EVL: variants seen among roughly 807,000 people sequenced by gnomAD.
EVL encodes the protein Enah/Vasp-like.
A neutral mutation model predicts 59.6 loss-of-function variants in EVL; 21 were observed. The ratio of observed to expected loss-of-function variants is 0.35; its 90% CI spans 0.25 to 0.51. The LOEUF is 0.51. EVL is among the 20% of genes least tolerant of loss of function. EVL has a pLI of 0.97. For missense variants in EVL, 462 were observed against 546.6 expected, an observed-to-expected ratio of 0.85 and a Z score of 1.54; for synonymous variants, 198 against 203.5, an observed-to-expected ratio of 0.97 and a Z score of 0.23.
chr14:100,122,929 A>G (rs894312394), intron 3 of EVL, among the ~76,000 whole-genome samples: 1 of 152,166 alleles, frequency 6.6e-6, no homozygotes, highest in African/African-American at 2.4e-5. Flanking sequence ...GAACAAGGGG[A>G]GCAAGGGCAG....
intron 5 of EVL, 59 bp downstream of exon 5, chr14:100,126,830 C>A: frequency 6.4e-7 from 1 of 1,552,720 alleles, no homozygotes; most frequent in Non-Finnish European, 8.8e-7. Flanking sequence ...GCAGCCCCTC[C>A]ACGTAGATGA....
In EVL at chr14:100,095,442, G is replaced by A. The variant is rs1885741808; in HGVS notation, c.181-2039G>A. Reference sequence around the variant, plus strand: ...AATGTGTCCTATAATCTAAAGAGCTGTTTTCACAACAGTTAACTTTGCTGG... The same window carrying A: ...AATGTGTCCTATAATCTAAAGAGCTATTTTCACAACAGTTAACTTTGCTGG... On this transcript the variant is annotated intron_variant, in intron 2 of 13. Coordinates refer to ENST00000392920, the MANE Select transcript of EVL (RefSeq NM_016337.3). 2.0e-5 allele frequency among the ~76,000 whole-genome samples: 3 copies of A among 152,196 alleles called. No individual in the cohort carries two copies. The South Asian group carries it at 6.2e-4, about 32-fold the overall frequency.
intron 2 of EVL, among the ~76,000 whole-genome samples, chr14:100,090,317 T>C (rs1043137459): frequency 1.2e-4 from 19 of 152,326 alleles, no homozygotes; most frequent in African/African-American, 4.6e-4. Context: ...GTAATAACCT[T>C]GTGCCGGTAA....
chr14:100,035,241 G>T (rs2061370987), intron 1 of EVL, among the ~76,000 whole-genome samples: 1 of 151,842 alleles, frequency 6.6e-6, no homozygotes, highest in Admixed American at 6.6e-5. Context: ...ATTGTACCCT[G>T]GTTTGGACTG....
chr14:99,977,878 C>T (rs1197817265), intron 1 of EVL, among the ~76,000 whole-genome samples: 1 of 150,806 alleles, frequency 6.6e-6, no homozygotes, highest in Non-Finnish European at 1.5e-5. Context: ...GGCAGATCAC[C>T]TGAGGTCAGG....
intron 4 of EVL, among the ~76,000 whole-genome samples, chr14:100,125,294 G>A (rs951304185): frequency 3.1e-5 from 4 of 129,920 alleles, no homozygotes; most frequent in Non-Finnish European, 4.9e-5. Flanking sequence ...ACACACACAC[G>A]GCAGGGAGAC....
intron 3 of EVL, among the ~76,000 whole-genome samples, chr14:100,112,387 C>T (rs541872336): frequency 2.3e-4 from 35 of 152,304 alleles, no homozygotes; most frequent in African/African-American, 6.7e-4. Flanking sequence ...ATCCATTCCC[C>T]GCAAAGCAAG....
intron 1 of EVL, among the ~76,000 whole-genome samples, chr14:100,080,859 C>T (rs933009871): frequency 1.3e-5 from 2 of 152,132 alleles, no homozygotes; most frequent in Admixed American, 6.5e-5. Context: ...ATAAAAGAAG[C>T]CTGTGAGACT....
At chr14:100,066,158 T>G (rs1422003641) in intron 1 of EVL, among the ~76,000 whole-genome samples, 1 of 152,212 alleles carries the variant, frequency 6.6e-6, no homozygotes, top group African/African-American at 2.4e-5. Context: ...ACAGACAGAC[T>G]TTTATCCTGT....
At chr14:100,099,353 G>A (rs1329407520) in intron 3 of EVL, among the ~76,000 whole-genome samples, 4 of 152,126 alleles carry the variant, frequency 2.6e-5, no homozygotes, top group Non-Finnish European at 5.9e-5. Flanking sequence ...GGACAACATA[G>A]TGAGAGCCTG....
intron 1 of EVL, among the ~76,000 whole-genome samples, chr14:100,081,669 C>T (rs1005451097): frequency 1.3e-5 from 2 of 152,184 alleles, no homozygotes; most frequent in African/African-American, 4.8e-5. Context: ...TGCTTCACCC[C>T]CACCTAGTGC....
chr14:100,140,036 TTGAG>T, intron 11 of EVL: 1 of 151,556 alleles, frequency 6.6e-6, no homozygotes, highest in Non-Finnish European at 1.5e-5. Context: ...GGAGGATCAC[TTGAG>T]CCCAGGACTT....
chr14:100,126,306 C>T (rs1888065418), intron 4 of EVL, among the ~76,000 whole-genome samples: 1 of 152,206 alleles, frequency 6.6e-6, no homozygotes, highest in African/African-American at 2.4e-5. Flanking sequence ...CAAAACACAC[C>T]TGAGAACTGT....
chr14:100,128,609 C>T lies in EVL; in HGVS notation c.578C>T (p.Pro193Leu). ...GPPPPPPPPV[P>L]PPPTGATPPP... The stretch of plus-strand genomic sequence containing the variant: ...CCACCGCCCCCCCCACCCCCAGTCC[C>T]ACCTCCACCCACTGGGGCTACCCCA... Residue 193 changes from proline to leucine, a missense_variant, in exon 6 of 14, where the codon CCA becomes CTA. Transcript: ENST00000392920. 1 of 1,475,950 alleles carries T rather than the reference C, an allele frequency of 6.8e-7. No homozygotes were observed. Among genetic ancestry groups the T allele is most frequent in the Non-Finnish European group, 9.2e-7 (1 of 1,089,018 alleles). 91.4% of individuals were successfully genotyped at this position (1,475,950 alleles called of 1,614,324 possible).
chr14:100,101,192 A>G (rs1419173441), intron 3 of EVL, among the ~76,000 whole-genome samples: 1 of 152,046 alleles, frequency 6.6e-6, no homozygotes, highest in Non-Finnish European at 1.5e-5. Context: ...TCTACTAAAA[A>G]GACAAAATTA....
rs529219805 is a variant in EVL at position 100,126,859 on chromosome 14, G to A, written c.487+88G>A. The A allele has an allele frequency of 9.7e-6, 13 of 1,335,336 alleles. No homozygotes were observed. In the East Asian group the frequency reaches 3.0e-4, roughly 31 times the overall value. The allele number at this position is 1,335,336 out of a possible 1,614,324, so 82.7% of individuals were successfully genotyped here. A position where few individuals can be genotyped will look rare whatever the true frequency, so the allele number is the denominator to read the frequency against. On this transcript the variant is annotated intron_variant, in intron 5 of 13. Coordinates refer to ENST00000392920, the MANE Select transcript of EVL (RefSeq NM_016337.3). ...TAGATGAGGCCCAGGGACACACGGG[G>A]CGCTCTGTGAGCAGCTATGGGGAGC... is the stretch of plus-strand genomic sequence containing the variant.
chr14:100,140,657 G>A (rs974119089), intron 11 of EVL: 2 of 152,508 alleles, frequency 1.3e-5, no homozygotes, highest in Admixed American at 1.3e-4. Context: ...TGTTTCTTGG[G>A]GGAGGTGTGC....
At chr14:100,040,491 C>A (rs941423578) in intron 1 of EVL, among the ~76,000 whole-genome samples, 2 of 152,088 alleles carry the variant, frequency 1.3e-5, no homozygotes, top group South Asian at 2.1e-4. Flanking sequence ...GCTCGTCTGC[C>A]CCTCAGAAAG....
rs1407371841 is a variant in EVL at position 100,114,882 on chromosome 14, C to T, written c.359-8657C>T. Reference sequence around the variant, plus strand: ...TGCAATGACATCCTTGCGGAAGCGGCAGGGTGGAAGCAGCAGCTGGGTACT... The same window carrying T: ...TGCAATGACATCCTTGCGGAAGCGGTAGGGTGGAAGCAGCAGCTGGGTACT... On this transcript the variant is annotated intron_variant, in intron 3 of 13. Transcript: ENST00000392920. This position sits in a 1 kb window ranked among gnomAD's most constrained non-coding sequence, Gnocchi z 5.0. Among the ~76,000 whole-genome samples, 1 of 151,790 alleles carries T rather than the reference C, an allele frequency of 6.6e-6. No homozygotes were observed. The highest frequency in any genetic ancestry group is 1.5e-5 in the Non-Finnish European group (1 of 67,782).
Sources: allele counts gnomAD v4.1 joint callset (sites outside exome capture counted in the v4.1 genomes callset), GRCh38; gene constraint gnomAD v4.1.1; non-coding constraint Gnocchi (gnomAD v3.1); transcripts MANE v1.5; gene names NCBI Gene and HGNC (gene_info 2026-07-23, HGNC 2026-07-21).